SORL1: variants seen among roughly 807,000 people sequenced by gnomAD.
SORL1 encodes the protein sortilin-related receptor.
In SORL1, 127 loss-of-function variants were observed where a neutral mutation model predicts 273.7. The ratio of observed to expected loss-of-function variants is 0.46; its 90% CI spans 0.40 to 0.54. SORL1 has a LOEUF of 0.54. SORL1 is among the 20% of genes least tolerant of loss of function. The probability of loss-of-function intolerance (pLI) is 0.00; values close to 1 mark genes in which losing one functional copy is unlikely to be tolerated. For missense variants in SORL1, 2,494 were observed against 2,846.1 expected (o/e 0.88, Z 2.81); for synonymous variants, 1,031 against 1,067.4 (o/e 0.97, Z 0.66).
At chr11:121,519,051 G>T (rs190815105) in intron 8 of SORL1, among the ~76,000 whole-genome samples, 1 of 148,608 alleles carries the variant, frequency 6.7e-6, no homozygotes, top group East Asian at 2.1e-4. Context: ...GGGTTCAAGC[G>T]ATTCTCCTGC....
At position 121,550,043 on chromosome 11, in the gene SORL1, C is replaced by T. The variant is rs755610451; in HGVS notation, c.2135C>T (p.Pro712Leu). 1.2e-6 allele frequency: 2 copies of T among 1,613,750 alleles called. No individual in the cohort carries two copies. Among genetic ancestry groups the T allele is most frequent in the Non-Finnish European group, 1.7e-6 (2 of 1,179,764 alleles). Residue 712 changes from proline (P) to leucine (L), a missense_variant, in exon 15 of 48, where the codon CCT becomes CTT. Coordinates refer to ENST00000260197, the MANE Select transcript of SORL1 (RefSeq NM_003105.6). This position sits in a 1 kb window ranked among gnomAD's most constrained non-coding sequence, Gnocchi z 5.3. ...DPEFSGKSYS[P>L]PVPCPVGSTY... ...GAATTTTCTGGAAAGTCATACTCCCCTCCTGTGCCTTGCCCTGTGGGTTCT... is the reference window on the plus strand; with the variant it reads ...GAATTTTCTGGAAAGTCATACTCCCTTCCTGTGCCTTGCCCTGTGGGTTCT...
intron 26 of SORL1, among the ~76,000 whole-genome samples, chr11:121,584,946 G>T (rs964157069): frequency 1.3e-5 from 2 of 152,148 alleles, no homozygotes; most frequent in African/African-American, 4.8e-5. Context: ...TCAGGAGAAA[G>T]GGTGACCTAG....
chr11:121,556,072 A>C (rs927511664), intron 18 of SORL1, among the ~76,000 whole-genome samples: 2 of 152,364 alleles, frequency 1.3e-5, no homozygotes, highest in Non-Finnish European at 2.9e-5. Context: ...GCTCAGCGAC[A>C]TGGGGCAAGG....
At chr11:121,616,858 G>A (rs570821350) in intron 41 of SORL1, among the ~76,000 whole-genome samples, 9 of 152,344 alleles carry the variant, frequency 5.9e-5, no homozygotes, top group African/African-American at 1.7e-4. Context: ...CAAGGTGGCC[G>A]GGATGCAGCT....
At chr11:121,479,313 A>T (rs971941453) in intron 3 of SORL1, among the ~76,000 whole-genome samples, 1 of 151,344 alleles carries the variant, frequency 6.6e-6, no homozygotes, top group Non-Finnish European at 1.5e-5. Context: ...TTTCTTCCCC[A>T]CTCTTGTGTT....
intron 2 of SORL1, among the ~76,000 whole-genome samples, chr11:121,473,060 A>G (rs1023344113): frequency 1.3e-5 from 2 of 152,228 alleles, no homozygotes; most frequent in African/African-American, 4.8e-5. Context: ...CTCTCTATAC[A>G]AACTGTGTTA....
intron 32 of SORL1, among the ~76,000 whole-genome samples, chr11:121,602,454 C>T (rs1662321840): frequency 6.6e-6 from 1 of 152,208 alleles, no homozygotes; most frequent in Non-Finnish European, 1.5e-5. Flanking sequence ...GTCTGCATGT[C>T]TTCTCACCAC....
chr11:121,520,536 A>T, intron 8 of SORL1, 121 bp from the exon 9 acceptor site: 1 of 614,552 alleles, frequency 1.6e-6, no homozygotes, highest in Non-Finnish European at 2.7e-6. Flanking sequence ...ATAGTTGCAC[A>T]ACATTGTGAA....
chr11:121,583,440 C>T lies in SORL1; in HGVS notation c.3581-18C>T, dbSNP rs73595277. 12 of 1,605,648 alleles carry T rather than the reference C, an allele frequency of 7.5e-6. No individual in the cohort carries two copies. The highest frequency in any genetic ancestry group is 1.1e-5 in the South Asian group (1 of 90,066). The stretch of plus-strand genomic sequence containing the variant: ...GGAGATGAGGGGTGTGCGACTGTGT[C>T]TCTCTTCTCTGTTACAGCCATCTAT... On this transcript the variant is annotated intron_variant, in intron 25 of 47. Transcript: ENST00000260197.
chr11:121,544,915 C>G (rs917674817), intron 13 of SORL1, among the ~76,000 whole-genome samples: 2 of 152,198 alleles, frequency 1.3e-5, no homozygotes, highest in East Asian at 1.9e-4. Flanking sequence ...TTCAGCTGTT[C>G]CCTAGTTCTC....
At chr11:121,494,396 T>C (rs1861598096) in intron 5 of SORL1, among the ~76,000 whole-genome samples, 1 of 151,456 alleles carries the variant, frequency 6.6e-6, no homozygotes, top group South Asian at 2.1e-4. Context: ...GCAGCAGGAG[T>C]GGGAAAGCTA....
chr11:121,604,441 AG>A lies in SORL1; in HGVS notation c.4651+119del, dbSNP rs1431559747. 59 of 1,307,336 alleles carry A rather than the reference AG, an allele frequency of 4.5e-5. No individual in the cohort carries two copies. In the African/African-American group the frequency reaches 8.4e-4, roughly 19 times the overall value. The allele number at this position is 1,307,336 out of a possible 1,614,324, so 81.0% of individuals were successfully genotyped here. A position where few individuals can be genotyped will look rare whatever the true frequency, so the allele number is the denominator to read the frequency against. On this transcript the variant is annotated intron_variant, in intron 33 of 47. Coordinates refer to ENST00000260197, the MANE Select transcript of SORL1 (RefSeq NM_003105.6). ...CCCTTTTGAACTGTTGCTCAATCTA[AG>A]GATAAAACAGATTTGTGCCTAGTTT...
chr11:121,540,520 T>TCCAAAAAAAAAAAAAAAAA (rs1862330755), intron 12 of SORL1, among the ~76,000 whole-genome samples: 1 of 20,410 alleles, frequency 4.9e-5, no homozygotes, highest in Non-Finnish European at 1.1e-4. Context: ...CTACTAAAAA[T>TCCAAAAAAAAAAAAAAAAA]ACAAAAAAAA....
At chr11:121,469,158 C>T (rs1452999513) in intron 1 of SORL1, among the ~76,000 whole-genome samples, 4 of 152,160 alleles carry the variant, frequency 2.6e-5, no homozygotes, top group Non-Finnish European at 5.9e-5. Context: ...CCTCTGAATG[C>T]GGCCTGCGGA....
intron 3 of SORL1, among the ~76,000 whole-genome samples, chr11:121,484,748 T>C (rs915562694): frequency 1.3e-5 from 2 of 152,140 alleles, no homozygotes; most frequent in South Asian, 2.1e-4. Context: ...TTGAAAGTCA[T>C]GCCATGCTTC....
intron 11 of SORL1, among the ~76,000 whole-genome samples, chr11:121,529,177 A>G (rs1862166571): frequency 6.6e-6 from 1 of 152,168 alleles, no homozygotes; most frequent in South Asian, 2.1e-4. Flanking sequence ...TTTATCTGAT[A>G]TTAAAATAGT....
At chr11:121,503,096 C>T (rs970856950) in intron 6 of SORL1, among the ~76,000 whole-genome samples, 3 of 152,030 alleles carry the variant, frequency 2.0e-5, no homozygotes, top group African/African-American at 7.3e-5. Context: ...TCTCAAACTC[C>T]TGGGCTCAAG....
At chr11:121,485,541 G>A (rs899780039) in intron 3 of SORL1, among the ~76,000 whole-genome samples, 4 of 152,324 alleles carry the variant, frequency 2.6e-5, no homozygotes, top group South Asian at 2.1e-4. Context: ...TCAGTGCCTG[G>A]CATATAGGAA....
At position 121,627,713 on chromosome 11, in the gene SORL1, A is replaced by G. The variant is rs1199287364; in HGVS notation, c.6523A>G (p.Ser2175Gly). The G allele has an allele frequency of 6.2e-7, 1 of 1,614,160 alleles. No homozygotes were observed. Among genetic ancestry groups the G allele is most frequent in the Non-Finnish European group, 8.5e-7 (1 of 1,180,014 alleles). The change falls in exon 47 of 48, where the codon AGC becomes GGC. Residue 2175 changes from serine to glycine, a missense_variant. Coordinates refer to ENST00000260197, the MANE Select transcript of SORL1 (RefSeq NM_003105.6). The surrounding 1 kb of genome is among the most constrained non-coding windows in gnomAD (Gnocchi z 4.9). Reference protein sequence around the residue: ...LQSSFTAFANSHYSSRLGSAI... With the variant: ...LQSSFTAFANGHYSSRLGSAI... ...GAGCAGCTTCACCGCCTTCGCCAACAGCCACTACAGCTCCAGGCTGGGGTC... is the reference window on the plus strand; with the variant it reads ...GAGCAGCTTCACCGCCTTCGCCAACGGCCACTACAGCTCCAGGCTGGGGTC...
Sources: allele counts gnomAD v4.1 joint callset (sites outside exome capture counted in the v4.1 genomes callset), GRCh38; gene constraint gnomAD v4.1.1; non-coding constraint Gnocchi (gnomAD v3.1); transcripts MANE v1.5; gene names NCBI Gene and HGNC (gene_info 2026-07-23, HGNC 2026-07-21).